Variants in CYFIP2 observed in about 807,000 individuals in gnomAD.
CYFIP2 encodes the protein cytoplasmic FMR1 interacting protein 2, also known as cytoplasmic FMR1-interacting protein 2.
CYFIP2 carries 29 observed loss-of-function variants against 158.7 expected under a neutral mutation model. The observed-to-expected ratio is 0.18, with a 90% CI of 0.14 to 0.25. The LOEUF (loss-of-function observed/expected upper bound fraction) is 0.25. Ranked by LOEUF, CYFIP2 falls within the 10% of genes least tolerant of loss-of-function variation. CYFIP2 has a pLI of 1.00. For missense variants in CYFIP2, 852 were observed against 1,639.5 expected, an observed-to-expected ratio of 0.52 and a Z score of 8.29; for synonymous variants, 585 against 617.6, an observed-to-expected ratio of 0.95 and a Z score of 0.78.
intron 23 of CYFIP2, among the ~76,000 whole-genome samples, chr5:157,358,544 C>A (rs543620680): frequency 1.0e-3 from 152 of 152,314 alleles, no homozygotes; most frequent in African/African-American, 3.3e-3. Flanking sequence ...CCCTGCCTGT[C>A]ATAGATGGAA....
chr5:157,321,403 G>T (rs923549244), intron 15 of CYFIP2, among the ~76,000 whole-genome samples: 2 of 152,194 alleles, frequency 1.3e-5, no homozygotes, highest in Non-Finnish European at 2.9e-5. Flanking sequence ...CCCCTTAGAG[G>T]AAGTCTAGTA....
Position 157,320,925 on chromosome 5 carries a change from G to A in CYFIP2, c.1671+123G>A, listed in dbSNP as rs1760545687. 3.3e-6 allele frequency: 4 copies of A among 1,225,646 alleles called. No individual in the cohort carries two copies. The South Asian group carries it at 5.1e-5, about 16-fold the overall frequency. The allele number at this position is 1,225,646 out of a possible 1,614,324, so 75.9% of individuals were successfully genotyped here. On this transcript the variant is annotated intron_variant, in intron 15 of 30. Coordinates refer to ENST00000620254, the MANE Select transcript of CYFIP2 (RefSeq NM_001037333.3). ...CGTCGGTCAGGAGGGGCAGGGTTGA[G>A]TGGCTGCTCCGGTCTTATTCTGCCA...
chr5:157,355,257 T>C (rs531801253), intron 23 of CYFIP2, among the ~76,000 whole-genome samples: 3 of 152,316 alleles, frequency 2.0e-5, no homozygotes, highest in African/African-American at 4.8e-5. Context: ...CCCCCACATA[T>C]GCACTCCCCT....
At chr5:157,378,431 C>T (rs1765699058) in intron 26 of CYFIP2, among the ~76,000 whole-genome samples, 1 of 152,130 alleles carries the variant, frequency 6.6e-6, no homozygotes, top group African/African-American at 2.4e-5. Flanking sequence ...GTGAGTGAGG[C>T]TGAAGTTTCT....
chr5:157,318,249 G>A (rs1026277111), intron 13 of CYFIP2, among the ~76,000 whole-genome samples: 1 of 152,190 alleles, frequency 6.6e-6, no homozygotes, highest in Non-Finnish European at 1.5e-5. Flanking sequence ...CAGTTATTTG[G>A]TGGTTAGTGA....
chr5:157,373,040 A>C (rs1394102475), intron 26 of CYFIP2, among the ~76,000 whole-genome samples: 2 of 152,202 alleles, frequency 1.3e-5, no homozygotes, highest in African/African-American at 4.8e-5. Flanking sequence ...CATTAACAGC[A>C]AAGGGGTCTT....
At chr5:157,319,692 G>A (rs1253862238) in intron 13 of CYFIP2, 70 bp from the exon 14 acceptor site, 2 of 1,562,500 alleles carry the variant, frequency 1.3e-6, no homozygotes, top group Non-Finnish European at 1.7e-6. Flanking sequence ...CCCTGGCAGG[G>A]CGGTGATGGG....
Position 157,361,464 on chromosome 5 carries a change from C to G in CYFIP2, c.2909-4C>G. 2.5e-6 allele frequency: 4 copies of G among 1,613,898 alleles called. No individual in the cohort carries two copies. Among genetic ancestry groups the G allele is most frequent in the Non-Finnish European group, 2.5e-6 (3 of 1,179,942 alleles). ...CCCACTGACCACCCCGATTCACCTC[C>G]CAGGGATCCTGGAGTTCTTCCACCA... On this transcript the variant is annotated splice_polypyrimidine_tract_variant and splice_region_variant and intron_variant, in intron 25 of 30. Transcript: ENST00000620254. The surrounding 1 kb of genome is among the most constrained non-coding windows in gnomAD (Gnocchi z 4.4).
chr5:157,320,571 C>T (rs975484784), intron 14 of CYFIP2, 84 bp from the exon 15 acceptor site: 6 of 1,556,940 alleles, frequency 3.9e-6, no homozygotes, highest in Non-Finnish European at 4.4e-6. Flanking sequence ...GTTCCTGGGA[C>T]ACCACGGGCC....
In CYFIP2 at chr5:157,339,074, G is replaced by C; in HGVS notation, c.2403G>C (p.Leu801=). ...CTGTACAGGAGCTGGAGTGGCTGCT[G>C]GAGATTAACCGGCTCACGCATCGGC... The part of the protein sequence containing the change: ...LTSIVELEWL[L]EINRLTHRLL... The change falls in exon 22 of 31, where the codon CTG becomes CTC. Residue 801 remains leucine, a synonymous_variant. Transcript: ENST00000620254. 1 of 1,611,614 alleles carries C rather than the reference G, an allele frequency of 6.2e-7. No homozygotes were observed. Among genetic ancestry groups the C allele is most frequent in the South Asian group, 1.1e-5 (1 of 90,702 alleles).
At chr5:157,292,193 CTTTTTCT>C (rs149532880) in intron 3 of CYFIP2, among the ~76,000 whole-genome samples, 5,662 of 151,760 alleles carry the variant, frequency 0.037, 142 homozygotes, top group South Asian at 0.11. Context: ...TTCTTTCTTT[CTTTTTCT>C]TTTTTCTTTT....
chr5:157,348,818 A>G (rs945742861), intron 23 of CYFIP2, among the ~76,000 whole-genome samples: 5 of 152,158 alleles, frequency 3.3e-5, no homozygotes, highest in African/African-American at 1.2e-4. Flanking sequence ...AATCTGCAGC[A>G]ATGCATACAG....
intron 22 of CYFIP2, among the ~76,000 whole-genome samples, chr5:157,340,070 C>T (rs577885352): frequency 6.6e-6 from 1 of 152,362 alleles, no homozygotes; most frequent in African/African-American, 2.4e-5. Flanking sequence ...AGCACACATA[C>T]GCATGACAAA....
At chr5:157,268,401 G>A (rs1270216640) in intron 1 of CYFIP2, among the ~76,000 whole-genome samples, 1 of 152,150 alleles carries the variant, frequency 6.6e-6, no homozygotes, top group Non-Finnish European at 1.5e-5. Flanking sequence ...TTCAAAAACC[G>A]GTAAAAGGCC....
At chr5:157,382,422 T>C (rs1314109731) in intron 26 of CYFIP2, among the ~76,000 whole-genome samples, 168 bp from the exon 27 acceptor site, 1 of 152,176 alleles carries the variant, frequency 6.6e-6, no homozygotes, top group Admixed American at 6.5e-5. Context: ...TGCAGATAGA[T>C]AAAAAGACTC....
At chr5:157,280,918 C>G (rs1429220725) in intron 1 of CYFIP2, among the ~76,000 whole-genome samples, 1 of 152,072 alleles carries the variant, frequency 6.6e-6, no homozygotes, top group Non-Finnish European at 1.5e-5. Flanking sequence ...TACTAATTTT[C>G]TAATTTTCTC....
intron 1 of CYFIP2, chr5:157,269,523 G>A (rs534168810): frequency 1.3e-5 from 2 of 152,218 alleles, no homozygotes; most frequent in South Asian, 2.1e-4. Flanking sequence ...TCAAAATTGA[G>A]CAATGGAAGG....
Position 157,389,392 on chromosome 5 carries a change from C to T in CYFIP2, c.3411C>T (p.Tyr1137=), listed in dbSNP as rs760885047. Residue 1137 remains tyrosine (Y), a synonymous_variant, in exon 29 of 31, where the codon TAC becomes TAT. Transcript: ENST00000620254. ...TGTGGAGCGCCATGCAGTTCGTGTA[C>T]TGCATCCCTGTGGGAACCAACGAGT... ...HRLWSAMQFV[Y]CIPVGTNEFT... 3.7e-6 allele frequency: 6 copies of T among 1,608,844 alleles called. No homozygotes were observed. Among genetic ancestry groups the T allele is most frequent in the African/African-American group, 1.3e-5 (1 of 74,970 alleles).
Position 157,339,077 on chromosome 5 carries a change from G to A in CYFIP2, c.2406G>A (p.Glu802=), listed in dbSNP as rs761190462. The stretch of plus-strand genomic sequence containing the variant: ...TACAGGAGCTGGAGTGGCTGCTGGA[G>A]ATTAACCGGCTCACGCATCGGCTGC... ...TSIVELEWLL[E]INRLTHRLLC... Residue 802 remains glutamate (E), a synonymous_variant, in exon 22 of 31, where the codon GAG becomes GAA. Coordinates refer to ENST00000620254, the MANE Select transcript of CYFIP2 (RefSeq NM_001037333.3). 1.2e-6 allele frequency: 2 copies of A among 1,611,838 alleles called. No homozygotes were observed. Among genetic ancestry groups the A allele is most frequent in the Admixed American group, 3.3e-5 (2 of 59,778 alleles).
Sources: allele counts gnomAD v4.1 joint callset (sites outside exome capture counted in the v4.1 genomes callset), GRCh38; gene constraint gnomAD v4.1.1; non-coding constraint Gnocchi (gnomAD v3.1); transcripts MANE v1.5; gene names NCBI Gene and HGNC (gene_info 2026-07-23, HGNC 2026-07-21).